CD82: variants seen among roughly 807,000 people sequenced by gnomAD.
CD82 encodes CD82 molecule.
CD82 carries 36 observed loss-of-function variants against 37.4 expected under a neutral mutation model. The observed-to-expected ratio is 0.96, with a 90% CI of 0.74 to 1.27. The LOEUF is 1.27. Ranked by LOEUF, CD82 falls within the 50% of genes most tolerant of loss-of-function variation. The pLI is 0.00. For synonymous variants in CD82, 158 were observed against 137.4 expected (o/e 1.15, Z -1.05); for missense variants, 340 against 347.0 (o/e 0.98, Z 0.16).
intron 1 of CD82, among the ~76,000 whole-genome samples, chr11:44,573,546 G>A (rs1852845175): frequency 6.6e-6 from 1 of 152,196 alleles, no homozygotes; most frequent in Non-Finnish European, 1.5e-5. Flanking sequence ...CTGAGGCAGG[G>A]AGGATGTGTC....
chr11:44,577,809 C>T (rs967098446), intron 1 of CD82, among the ~76,000 whole-genome samples: 2 of 152,188 alleles, frequency 1.3e-5, no homozygotes, highest in Non-Finnish European at 2.9e-5. Context: ...CTATGTTCTG[C>T]CTCCACCTAC....
chr11:44,590,470 G>C (rs954572478), intron 2 of CD82, among the ~76,000 whole-genome samples: 1 of 151,378 alleles, frequency 6.6e-6, no homozygotes. Context: ...AATTATTCAG[G>C]CATGGTGGCG....
chr11:44,594,539 G>C lies in CD82; in HGVS notation c.-20-104G>C, dbSNP rs1348691915. The C allele has an allele frequency of 6.7e-6, 5 of 742,284 alleles. No individual in the cohort carries two copies. The African/African-American group carries it at 8.6e-5, about 13-fold the overall frequency. The allele number at this position is 742,284 out of a possible 1,614,324, so 46.0% of individuals were successfully genotyped here. A position where few individuals can be genotyped will look rare whatever the true frequency, so the allele number is the denominator to read the frequency against. On this transcript the variant is annotated intron_variant, in intron 2 of 9. Coordinates refer to ENST00000227155, the MANE Select transcript of CD82 (RefSeq NM_002231.4). ...AGTTGTCTAACCTCTCTGGGCCTCTGCATCCTCTAAGGCAGGGACAGGGTT... is the reference window on the plus strand; with the variant it reads ...AGTTGTCTAACCTCTCTGGGCCTCTCCATCCTCTAAGGCAGGGACAGGGTT...
rs537179776 is a variant in CD82, at chr11:44,611,093, C to T, written c.337-4179C>T. ...CAAGTGATCTGCCCATTTCGGCCTC[C>T]CAAAGTGTTGGGATTACACGTGTGA... On this transcript the variant is annotated intron_variant, in intron 6 of 9. Transcript: ENST00000227155. 2.0e-5 allele frequency among the ~76,000 whole-genome samples: 3 copies of T among 152,294 alleles called. No individual in the cohort carries two copies. The South Asian group carries it at 6.2e-4, about 32-fold the overall frequency.
chr11:44,588,209 GT>G (rs1554966288), intron 2 of CD82, among the ~76,000 whole-genome samples: 1 of 146,034 alleles, frequency 6.8e-6, no homozygotes, highest in Admixed American at 6.9e-5. Context: ...GGATTTTGGG[GT>G]TTTTTTTTTG....
intron 3 of CD82, among the ~76,000 whole-genome samples, chr11:44,596,095 C>T (rs1288803916): frequency 6.6e-6 from 1 of 152,212 alleles, no homozygotes; most frequent in African/African-American, 2.4e-5. Context: ...CCCTAGCTCC[C>T]TCCTGGAGGA....
intron 2 of CD82, among the ~76,000 whole-genome samples, chr11:44,593,471 T>C (rs1853174975): frequency 6.6e-6 from 1 of 152,214 alleles, no homozygotes. Flanking sequence ...CTGGCACTCC[T>C]GGATTTTCTG....
At chr11:44,604,659 G>C (rs979990133) in intron 4 of CD82, 11 of 298,368 alleles carry the variant, frequency 3.7e-5, no homozygotes, top group African/African-American at 2.4e-4. Flanking sequence ...GCACCTCACT[G>C]CGAGAGGCGC....
chr11:44,585,386 T>C (rs1478695527), intron 1 of CD82: 1 of 450,396 alleles, frequency 2.2e-6, no homozygotes, highest in Non-Finnish European at 4.5e-6. Context: ...AAGTTCATTT[T>C]ACAGGTGGGA....
chr11:44,613,861 A>G (rs1853522295), intron 6 of CD82, among the ~76,000 whole-genome samples: 1 of 150,694 alleles, frequency 6.6e-6, no homozygotes, highest in Non-Finnish European at 1.5e-5. Context: ...AAAAAGTGAG[A>G]TGTTTTTGGA....
intron 1 of CD82, among the ~76,000 whole-genome samples, chr11:44,575,556 T>C (rs908401147): frequency 2.6e-5 from 4 of 152,242 alleles, no homozygotes; most frequent in Non-Finnish European, 5.9e-5. Context: ...CCTGAGAATG[T>C]GCATTGCTAA....
rs757425084 is a variant in CD82 at position 44,605,152 on chromosome 11, C to T, written c.231C>T (p.Ala77=). ...MLMGFLGCIG[A]VNEVRCLLGL... ...TGGGCTTCCTGGGCTGCATCGGCGC[C>T]GTCAACGAGGTCCGCTGCCTGCTGG... Residue 77 remains alanine, a synonymous_variant, in exon 5 of 10, where the codon GCC becomes GCT. Coordinates refer to ENST00000227155, the MANE Select transcript of CD82 (RefSeq NM_002231.4). 1 of 1,614,158 alleles carries T rather than the reference C, an allele frequency of 6.2e-7. No homozygotes were observed.
intron 1 of CD82, among the ~76,000 whole-genome samples, chr11:44,577,994 G>GTT (rs1188687467): frequency 6.6e-6 from 1 of 152,158 alleles, no homozygotes; most frequent in Non-Finnish European, 1.5e-5. Flanking sequence ...CCCTGGGCAC[G>GTT]TTACTAACCC....
chr11:44,587,131 G>A, intron 1 of CD82: 1 of 310,216 alleles, frequency 3.2e-6, no homozygotes. Context: ...AGCTGGAGTT[G>A]AGGCCTTCTG....
At chr11:44,618,472 T>A in intron 8 of CD82, 107 bp downstream of exon 8, 1 of 1,101,228 alleles carries the variant, frequency 9.1e-7, no homozygotes, top group Non-Finnish European at 1.3e-6. Flanking sequence ...CCTTAATTCA[T>A]CTGTCATTTG....
intron 1 of CD82, among the ~76,000 whole-genome samples, chr11:44,579,345 C>T (rs1221593115): frequency 6.6e-6 from 1 of 151,952 alleles, no homozygotes; most frequent in African/African-American, 2.4e-5. Flanking sequence ...AGAGCAGGAG[C>T]TGGGAAGCTG....
At chr11:44,580,375 G>A (rs2134631537) in intron 1 of CD82, among the ~76,000 whole-genome samples, 1 of 152,328 alleles carries the variant, frequency 6.6e-6, no homozygotes, top group Admixed American at 6.5e-5. Flanking sequence ...AGGCAGGAAG[G>A]ATTAGCCCAT....
intron 3 of CD82, among the ~76,000 whole-genome samples, chr11:44,599,262 G>C (rs1853273253): frequency 6.6e-6 from 1 of 152,204 alleles, no homozygotes; most frequent in African/African-American, 2.4e-5. Context: ...TCTCTTCTCA[G>C]CTTCCCCAGT....
Position 44,605,441 on chromosome 11 carries a change from T to TCTCC in CD82, c.336+20_336+23dup. 6.2e-7 allele frequency: 1 copy of TCTCC among 1,612,284 alleles called. No homozygotes were observed. Among genetic ancestry groups the TCTCC allele is most frequent in the African/African-American group, 1.3e-5 (1 of 74,982 alleles). ...TCAACATGGGCAAGGTAAGCCCCTC[T>TCTCC]CTCCCTCCCTCTTCACTGGGCTGGA... On this transcript the variant is annotated intron_variant, in intron 6 of 9. Transcript: ENST00000227155.
Sources: allele counts gnomAD v4.1 joint callset (sites outside exome capture counted in the v4.1 genomes callset), GRCh38; gene constraint gnomAD v4.1.1; transcripts MANE v1.5; gene names NCBI Gene and HGNC (gene_info 2026-07-23, HGNC 2026-07-21).